LHCGR: variants seen among roughly 807,000 people sequenced by gnomAD.
The protein encoded by LHCGR is lutropin-choriogonadotropic hormone receptor.
LHCGR carries 55 observed loss-of-function variants against 60.7 expected under a neutral mutation model. The ratio of observed to expected loss-of-function variants is 0.91; its 90% CI spans 0.73 to 1.13. The LOEUF (loss-of-function observed/expected upper bound fraction) is 1.13, where lower values mean the gene tolerates loss of function less well. Ranked by LOEUF, LHCGR falls within the 50% of genes most tolerant of loss-of-function variation. The pLI, the probability that LHCGR is intolerant of heterozygous loss-of-function variation, is 0.00. For synonymous variants in LHCGR, 337 were observed against 316.5 expected (o/e 1.06, Z -0.69); for missense variants, 862 against 836.0 (o/e 1.03, Z -0.38).
chr2:48,743,106 A>T (rs981733548), intron 1 of LHCGR, among the ~76,000 whole-genome samples: 2 of 152,256 alleles, frequency 1.3e-5, no homozygotes, highest in African/African-American at 4.8e-5. Flanking sequence ...AAATGGATAA[A>T]TTCCTTGACA....
intron 8 of LHCGR, 36 bp from the exon 9 acceptor site, chr2:48,698,836 T>G (rs1413032955): frequency 1.3e-6 from 2 of 1,517,780 alleles, no homozygotes; most frequent in Non-Finnish European, 1.8e-6. Context: ...TTTTATTTAT[T>G]TATTTTATAC....
intron 1 of LHCGR, among the ~76,000 whole-genome samples, chr2:48,731,625 C>G (rs976983075): frequency 1.3e-5 from 2 of 152,152 alleles, no homozygotes; most frequent in African/African-American, 4.8e-5. Context: ...GTTTCTTTGT[C>G]TGTAAAATTG....
intron 10 of LHCGR, among the ~76,000 whole-genome samples, chr2:48,693,041 A>T (rs1416787154): frequency 6.6e-6 from 1 of 151,842 alleles, no homozygotes; most frequent in Non-Finnish European, 1.5e-5. Context: ...CCCTCAAACC[A>T]CTCCTTGGTG....
chr2:48,739,081 A>G (rs1012133536), intron 1 of LHCGR, among the ~76,000 whole-genome samples: 6 of 152,210 alleles, frequency 3.9e-5, no homozygotes, highest in Admixed American at 3.9e-4. Context: ...TTAAAGGTCC[A>G]TCTCAGAATG....
chr2:48,740,599 C>T (rs1401842533), intron 1 of LHCGR, among the ~76,000 whole-genome samples: 1 of 152,090 alleles, frequency 6.6e-6, no homozygotes, highest in Non-Finnish European at 1.5e-5. Context: ...CCTCACATGG[C>T]CGGGTACTCC....
intron 8 of LHCGR, among the ~76,000 whole-genome samples, chr2:48,705,823 C>G (rs1667637869): frequency 6.6e-6 from 1 of 152,074 alleles, no homozygotes; most frequent in Non-Finnish European, 1.5e-5. Context: ...ATACAGCACA[C>G]TGATGGGTCT....
chr2:48,746,231 T>C (rs557311477), intron 1 of LHCGR, among the ~76,000 whole-genome samples: 1 of 152,318 alleles, frequency 6.6e-6, no homozygotes, highest in Admixed American at 6.5e-5. Flanking sequence ...GTTCCATACT[T>C]AGGAATTGAT....
At chr2:48,753,022 G>A (rs1199088846) in intron 1 of LHCGR, among the ~76,000 whole-genome samples, 1 of 140,506 alleles carries the variant, frequency 7.1e-6, no homozygotes, top group Non-Finnish European at 1.5e-5. Flanking sequence ...TATGGCACAA[G>A]GACTTTTAAA....
intron 2 of LHCGR, among the ~76,000 whole-genome samples, chr2:48,730,866 T>C (rs1668955975): frequency 6.6e-6 from 1 of 152,080 alleles, no homozygotes; most frequent in Non-Finnish European, 1.5e-5. Context: ...TCCAACACAT[T>C]TTTTTTCCTA....
chr2:48,745,364 A>G (rs926132133), intron 1 of LHCGR, among the ~76,000 whole-genome samples: 3 of 152,222 alleles, frequency 2.0e-5, no homozygotes, highest in Non-Finnish European at 4.4e-5. Context: ...CCAAAGGACT[A>G]TAAATCATGC....
chr2:48,690,666 G>A (rs1008592209), intron 10 of LHCGR, among the ~76,000 whole-genome samples: 3 of 152,012 alleles, frequency 2.0e-5, no homozygotes, highest in Non-Finnish European at 2.9e-5. Flanking sequence ...TCATCTCTCT[G>A]GTGAATTCCT....
In LHCGR at chr2:48,751,162, C is replaced by G. The variant is rs113404517; in HGVS notation, c.161+4349G>C. 9.2e-3 allele frequency among the ~76,000 whole-genome samples: 1,400 copies of G among 152,226 alleles called. 7 individuals are homozygous for G. Among genetic ancestry groups the G allele is most frequent in the Non-Finnish European group, 0.015 (1,005 of 68,008 alleles). ...GGGAAGGCTTCATGGGGAAGTGACT[C>G]CTAATCATGGTTTTTACTTAATGCC... On this transcript the variant is annotated intron_variant, in intron 1 of 10. Transcript: ENST00000294954.
At chr2:48,717,313 G>T (rs987240425) in intron 6 of LHCGR, among the ~76,000 whole-genome samples, 1 of 152,136 alleles carries the variant, frequency 6.6e-6, no homozygotes, top group African/African-American at 2.4e-5. Context: ...GTGTACCCTT[G>T]TGGTTAAGTC....
intron 1 of LHCGR, among the ~76,000 whole-genome samples, chr2:48,741,172 C>T (rs1230423931): frequency 6.6e-6 from 1 of 152,028 alleles, no homozygotes; most frequent in Admixed American, 6.5e-5. Flanking sequence ...GCAAAGCCTC[C>T]AAGAAATATG....
At chr2:48,746,082 A>G (rs1450949831) in intron 1 of LHCGR, among the ~76,000 whole-genome samples, 2 of 152,178 alleles carry the variant, frequency 1.3e-5, no homozygotes, top group Admixed American at 1.3e-4. Flanking sequence ...CATAATACTA[A>G]TATAGCATGC....
chr2:48,747,512 C>T (rs1372689683), intron 1 of LHCGR, among the ~76,000 whole-genome samples: 1 of 152,176 alleles, frequency 6.6e-6, no homozygotes, highest in African/African-American at 2.4e-5. Flanking sequence ...TCTGGAAGTA[C>T]CTCAGAACTC....
intron 1 of LHCGR, among the ~76,000 whole-genome samples, chr2:48,752,363 T>C (rs1235766822): frequency 6.6e-6 from 1 of 152,152 alleles, no homozygotes; most frequent in Non-Finnish European, 1.5e-5. Flanking sequence ...AATTAACATC[T>C]ATTGAGGGAC....
In LHCGR at chr2:48,708,914, G is replaced by T. The variant is rs149133556; in HGVS notation, c.680+34C>A. On this transcript the variant is annotated intron_variant, in intron 8 of 10. Coordinates refer to ENST00000294954, the MANE Select transcript of LHCGR (RefSeq NM_000233.4). Reference sequence around the variant, plus strand: ...CTAAGCAGTCCTGTTGGGGTACACTGGGCAGGGAGGGGAGGCAGCACCATT... The same window carrying T: ...CTAAGCAGTCCTGTTGGGGTACACTTGGCAGGGAGGGGAGGCAGCACCATT... 4,922 of 1,563,090 alleles carry T rather than the reference G, an allele frequency of 3.1e-3. 15 individuals carry two copies. The highest frequency in any genetic ancestry group is 3.8e-3 in the Non-Finnish European group (4,324 of 1,133,704).
At chr2:48,751,058 A>T (rs1034319581) in intron 1 of LHCGR, among the ~76,000 whole-genome samples, 5 of 152,142 alleles carry the variant, frequency 3.3e-5, no homozygotes, top group Admixed American at 6.5e-5. Context: ...GTACAAAAAT[A>T]TATGTAAGCC....
Sources: gnomAD v4.1 joint callset for allele counts (sites outside exome capture counted in the v4.1 genomes callset) on GRCh38, gnomAD v4.1.1 for gene constraint, MANE v1.5 for transcripts, NCBI Gene and HGNC (gene_info 2026-07-23, HGNC 2026-07-21) for gene names.